Variants in ZFYVE28 observed in about 807,000 individuals in gnomAD.
The protein encoded by ZFYVE28 is zinc finger FYVE-type containing 28, also known as lateral signaling target protein 2 homolog.
ZFYVE28 carries 40 observed loss-of-function variants against 82.1 expected under a neutral mutation model. The ratio of observed to expected loss-of-function variants is 0.49; its 90% CI spans 0.38 to 0.63. The LOEUF is 0.63. Ranked by LOEUF, ZFYVE28 falls within the 30% of genes least tolerant of loss-of-function variation. ZFYVE28 has a pLI of 0.00. For synonymous variants in ZFYVE28, 612 were observed against 546.1 expected, an observed-to-expected ratio of 1.12 and a Z score of -1.68; for missense variants, 1,321 against 1,242.1, an observed-to-expected ratio of 1.06 and a Z score of -0.96.
intron 7 of ZFYVE28, among the ~76,000 whole-genome samples, chr4:2,313,553 C>T (rs1025551108): frequency 4.6e-5 from 7 of 152,150 alleles, no homozygotes; most frequent in Non-Finnish European, 1.0e-4. Context: ...CCACTGCACT[C>T]AGCCTCCACA....
At chr4:2,410,451 TTTC>T (rs1182836729) in intron 1 of ZFYVE28, among the ~76,000 whole-genome samples, 15 of 72,848 alleles carry the variant, frequency 2.1e-4, no homozygotes, top group African/African-American at 8.1e-4. Flanking sequence ...ACATCCTCCC[TTTC>T]TTTTTTTTTT....
At chr4:2,389,865 C>G (rs115300426) in intron 1 of ZFYVE28, among the ~76,000 whole-genome samples, 2,273 of 152,286 alleles carry the variant, frequency 0.015, 65 homozygotes, top group African/African-American at 0.052. Context: ...CGTGCTCACC[C>G]CTGCATGCTG....
At chr4:2,336,585 A>G (rs1164964835) in intron 5 of ZFYVE28, among the ~76,000 whole-genome samples, 9 of 151,646 alleles carry the variant, frequency 5.9e-5, no homozygotes, top group African/African-American at 2.2e-4. Context: ...CCTAAAAAAG[A>G]AACACTTGTT....
chr4:2,298,915 ACCCAGG>A (rs921270151), intron 8 of ZFYVE28, among the ~76,000 whole-genome samples: 1 of 152,010 alleles, frequency 6.6e-6, no homozygotes, highest in African/African-American at 2.4e-5. Flanking sequence ...AAAAAACAAA[ACCCAGG>A]CCACCAGAGA....
rs754497373 is a variant in ZFYVE28 at position 2,330,873 on chromosome 4, C to T, written c.701+4832G>A. On this transcript the variant is annotated intron_variant, in intron 6 of 12. Transcript: ENST00000290974. ...TGGGGAGAGAGGACTGGTGTGGGCACGGTGCAGGCAGATCACGGTGGGAGC... is the reference window on the plus strand; with the variant it reads ...TGGGGAGAGAGGACTGGTGTGGGCATGGTGCAGGCAGATCACGGTGGGAGC... 87 of 1,533,272 alleles carry T rather than the reference C, an allele frequency of 5.7e-5. 1 individual carries two copies. The South Asian group carries it at 8.9e-4, about 16-fold the overall frequency. 95.0% of individuals were successfully genotyped at this position (1,533,272 alleles called of 1,614,324 possible). A position where few individuals can be genotyped will look rare whatever the true frequency, so the allele number is the denominator to read the frequency against.
chr4:2,303,827 G>A (rs1716015826), intron 8 of ZFYVE28, among the ~76,000 whole-genome samples: 1 of 152,240 alleles, frequency 6.6e-6, no homozygotes, highest in African/African-American at 2.4e-5. Flanking sequence ...TTTCAGCCCG[G>A]TGTGAGCCAG....
At chr4:2,359,017 C>T (rs1456725746) in intron 1 of ZFYVE28, among the ~76,000 whole-genome samples, 8 of 150,654 alleles carry the variant, frequency 5.3e-5, no homozygotes, top group African/African-American at 2.0e-4. Flanking sequence ...CTCTGTCGCC[C>T]AGGCTGGAGT....
chr4:2,390,895 A>C (rs758592173), intron 1 of ZFYVE28, among the ~76,000 whole-genome samples: 7 of 152,230 alleles, frequency 4.6e-5, no homozygotes, highest in Non-Finnish European at 7.3e-5. Flanking sequence ...GCCCCGGTTG[A>C]GGAATCCCTG....
chr4:2,303,663 A>AG (rs1264453601), intron 8 of ZFYVE28, among the ~76,000 whole-genome samples: 2 of 152,080 alleles, frequency 1.3e-5, no homozygotes, highest in African/African-American at 2.4e-5. Context: ...AAGAGATAGG[A>AG]GACCTCCCCA....
rs1735798627 is a variant in ZFYVE28 at position 2,270,311 on chromosome 4, G to T, written c.*414C>A. ...GCCCTGCTGTGCCAAAGAGCCTGTG[G>T]AGTGGCCCTTGCTCCGGCTTCCAGA... On this transcript the variant is annotated 3_prime_UTR_variant, in exon 13 of 13. Transcript: ENST00000290974. The T allele has an allele frequency of 4.3e-6, 1 of 230,178 alleles. No individual in the cohort carries two copies. The highest frequency in any genetic ancestry group is 2.3e-5 in the African/African-American group (1 of 43,474). 14.3% of individuals were successfully genotyped at this position (230,178 alleles called of 1,614,324 possible).
Position 2,339,552 on chromosome 4 carries a change from G to A in ZFYVE28, c.422C>T (p.Ala141Val). The part of the protein sequence containing the change: ...LTRSLEDVRG[A>V]LRDQALRDLN... ...GTCCCGCAGCGCCTGGTCACGGAGG[G>A]CGCCCCGCACGTCCTCCAGGCTGCG... is the stretch of plus-strand genomic sequence containing the variant. Residue 141 changes from alanine (A) to valine (V), a missense_variant, in exon 4 of 13, where the codon GCC (alanine) becomes GTC (valine). By Grantham distance (64) the Ala-to-Val change is moderately conservative. Coordinates refer to ENST00000290974, the MANE Select transcript of ZFYVE28 (RefSeq NM_020972.3). This position sits in a 1 kb window ranked among gnomAD's most constrained non-coding sequence, Gnocchi z 5.0. 1 of 1,613,338 alleles carries A rather than the reference G, an allele frequency of 6.2e-7. No individual in the cohort carries two copies. The highest frequency in any genetic ancestry group is 8.5e-7 in the Non-Finnish European group (1 of 1,179,840).
chr4:2,363,291 T>C (rs1360012160), intron 1 of ZFYVE28, among the ~76,000 whole-genome samples: 1 of 152,162 alleles, frequency 6.6e-6, no homozygotes, highest in African/African-American at 2.4e-5. Flanking sequence ...CCCAGCTTTC[T>C]TGCTTGCTGG....
In ZFYVE28 at chr4:2,320,262, C is replaced by T; in HGVS notation, c.711G>A (p.Val237=). The T allele has an allele frequency of 6.2e-7, 1 of 1,614,036 alleles. No individual in the cohort carries two copies. Among genetic ancestry groups the T allele is most frequent in the Non-Finnish European group, 8.5e-7 (1 of 1,179,966 alleles). Residue 237 remains valine, a synonymous_variant, in exon 7 of 13, where the codon GTG becomes GTA. Coordinates refer to ENST00000290974, the MANE Select transcript of ZFYVE28 (RefSeq NM_020972.3). This position sits in a 1 kb window ranked among gnomAD's most constrained non-coding sequence, Gnocchi z 5.1. ...IPRLAIVCGL[V]VYADGPLNLD... The stretch of plus-strand genomic sequence containing the variant: ...AGTTCAGAGGTCCGTCCGCATAGAC[C>T]ACGAGGCCACTGCATTTGAGACACA...
rs190418114 is a variant in ZFYVE28, at chr4:2,405,251, C to T, written c.39+13034G>A. On this transcript the variant is annotated intron_variant, in intron 1 of 12. Transcript: ENST00000290974. ...CTTCCCCATACTCCAAGCGGCACCG[C>T]GAAGGGAAGATGGGGTGCACCGCCA... Among the ~76,000 whole-genome samples, 374 of 152,274 alleles carry T rather than the reference C, an allele frequency of 2.5e-3. 8 individuals are homozygous for T. The highest frequency in any genetic ancestry group is 0.021 in the Admixed American group (323 of 15,300).
rs1481051620 is a variant in ZFYVE28 at position 2,320,928 on chromosome 4, C to T, written c.702-657G>A. Among the ~76,000 whole-genome samples, 2 of 152,184 alleles carry T rather than the reference C, an allele frequency of 1.3e-5. No individual in the cohort carries two copies. Among genetic ancestry groups the T allele is most frequent in the African/African-American group, 4.8e-5 (2 of 41,438 alleles). On this transcript the variant is annotated intron_variant, in intron 6 of 12. Coordinates refer to ENST00000290974, the MANE Select transcript of ZFYVE28 (RefSeq NM_020972.3). This position sits in a 1 kb window ranked among gnomAD's most constrained non-coding sequence, Gnocchi z 5.1. ...CCCCCAGAGTCCGGCTCAAAGCCTGCTGAAGGACAAGCTTCCCAGATGCCA... is the reference window on the plus strand; with the variant it reads ...CCCCCAGAGTCCGGCTCAAAGCCTGTTGAAGGACAAGCTTCCCAGATGCCA...
intron 1 of ZFYVE28, among the ~76,000 whole-genome samples, chr4:2,368,216 A>ACAAAAAC (rs200561836): frequency 0.015 from 1,821 of 122,900 alleles, 41 homozygotes; most frequent in Middle Eastern, 0.031. Context: ...CTCTACAAAA[A>ACAAAAAC]AAAAAAAAAA....
At chr4:2,364,512 G>C (rs1726597151) in intron 1 of ZFYVE28, 1 of 985,374 alleles carries the variant, frequency 1.0e-6, no homozygotes, top group South Asian at 4.7e-5. Context: ...CCTGTTTAGA[G>C]GAATCCTCCA....
chr4:2,373,387 T>C (rs1441383977), intron 1 of ZFYVE28, among the ~76,000 whole-genome samples: 1 of 152,034 alleles, frequency 6.6e-6, no homozygotes, highest in Non-Finnish European at 1.5e-5. Context: ...TAGTCCCAGC[T>C]ACTCGGGAGG....
intron 6 of ZFYVE28, among the ~76,000 whole-genome samples, chr4:2,327,457 C>A (rs1720058155): frequency 6.6e-6 from 1 of 151,524 alleles, no homozygotes; most frequent in East Asian, 1.9e-4. Context: ...TTGCCTTGTT[C>A]CATATCTTAC....
Sources: gnomAD v4.1 joint callset for allele counts (sites outside exome capture counted in the v4.1 genomes callset) on GRCh38, gnomAD v4.1.1 for gene constraint, Gnocchi (gnomAD v3.1) non-coding constraint, MANE v1.5 for transcripts, NCBI Gene and HGNC (gene_info 2026-07-23, HGNC 2026-07-21) for gene names.